CSRNP3: variants seen among roughly 807,000 people sequenced by gnomAD.
CSRNP3 encodes the protein cysteine/serine-rich nuclear protein 3.
CSRNP3 carries 12 observed loss-of-function variants against 48.0 expected under a neutral mutation model. That is an observed-to-expected ratio of 0.25 (90% CI 0.16 to 0.41). The LOEUF is 0.41. Among genes scored for constraint, CSRNP3 ranks in the 10% least tolerant of loss-of-function variants. The probability of loss-of-function intolerance (pLI) is 1.00; values close to 1 mark genes in which losing one functional copy is unlikely to be tolerated. For synonymous variants in CSRNP3, 263 were observed against 269.7 expected (o/e 0.98, Z 0.24); for missense variants, 580 against 724.4 (o/e 0.80, Z 2.29).
chr2:165,487,471 G>A (rs1684136355), intron 1 of CSRNP3, among the ~76,000 whole-genome samples: 1 of 141,824 alleles, frequency 7.1e-6, no homozygotes, highest in Non-Finnish European at 1.5e-5. Context: ...CTCGAGAAGA[G>A]CAACTCCAAG....
At chr2:165,504,323 A>G (rs1034473533) in intron 2 of CSRNP3, among the ~76,000 whole-genome samples, 3 of 152,046 alleles carry the variant, frequency 2.0e-5, no homozygotes, top group Non-Finnish European at 4.4e-5. Context: ...ACAAAACAAC[A>G]TAAGAGGTGA....
chr2:165,640,676 G>A (rs537887189), intron 4 of CSRNP3, among the ~76,000 whole-genome samples: 50 of 152,282 alleles, frequency 3.3e-4, no homozygotes, highest in Non-Finnish European at 5.3e-4. Flanking sequence ...GATCCTGGGA[G>A]CAGCTGTTCA....
chr2:165,576,393 A>G (rs1000775475), intron 3 of CSRNP3, among the ~76,000 whole-genome samples: 5 of 152,048 alleles, frequency 3.3e-5, no homozygotes, highest in Admixed American at 6.6e-5. Context: ...CAAGTTTAAC[A>G]TTCATTTAGG....
At chr2:165,619,606 C>A (rs1686307220) in intron 4 of CSRNP3, among the ~76,000 whole-genome samples, 1 of 152,062 alleles carries the variant, frequency 6.6e-6, no homozygotes, top group Non-Finnish European at 1.5e-5. Context: ...CACACACACA[C>A]AAAATGGAAG....
chr2:165,607,496 C>T (rs1686051395), intron 4 of CSRNP3, among the ~76,000 whole-genome samples: 1 of 152,074 alleles, frequency 6.6e-6, no homozygotes, highest in African/African-American at 2.4e-5. Context: ...AGCTCCAGTC[C>T]CCACAGTGAC....
At chr2:165,498,000 T>C (rs1194514689) in intron 2 of CSRNP3, among the ~76,000 whole-genome samples, 2 of 152,136 alleles carry the variant, frequency 1.3e-5, no homozygotes, top group Non-Finnish European at 2.9e-5. Context: ...GTGCTAGTGA[T>C]GAGTTTATGA....
At chr2:165,575,880 T>A (rs1368784668) in intron 3 of CSRNP3, among the ~76,000 whole-genome samples, 1 of 151,972 alleles carries the variant, frequency 6.6e-6, no homozygotes, top group African/African-American at 2.4e-5. Context: ...GTATGAGCTT[T>A]TAAAAAATTC....
intron 4 of CSRNP3, among the ~76,000 whole-genome samples, chr2:165,643,611 T>A (rs193162029): frequency 6.6e-6 from 1 of 152,328 alleles, no homozygotes; most frequent in Non-Finnish European, 1.5e-5. Flanking sequence ...ATTAATAGGA[T>A]AACTTTGAAT....
At chr2:165,515,313 C>T (rs1396915426) in intron 2 of CSRNP3, among the ~76,000 whole-genome samples, 1 of 139,732 alleles carries the variant, frequency 7.2e-6, no homozygotes, top group Non-Finnish European at 1.5e-5. Flanking sequence ...CAGGGCAAGA[C>T]TCCATCTCAA....
chr2:165,634,068 G>T (rs924527985), intron 4 of CSRNP3, among the ~76,000 whole-genome samples: 16 of 152,112 alleles, frequency 1.1e-4, no homozygotes, highest in Admixed American at 2.6e-4. Context: ...GTCCAGCCCC[G>T]TGGCTCACAC....
rs372219976 is a variant in CSRNP3 at position 165,581,394 on chromosome 2, T to C, written c.-23-13649T>C. ...AGCAGGACATAAGTCAATTTAGCCA[T>C]TGGGGTGAAGGAAGTGGGTATGAAC... On this transcript the variant is annotated intron_variant, in intron 3 of 6. Coordinates refer to ENST00000651982, the MANE Select transcript of CSRNP3 (RefSeq NM_001172173.2). Among the ~76,000 whole-genome samples, 45 of 152,282 alleles carry C rather than the reference T, an allele frequency of 3.0e-4. No homozygotes were observed. The East Asian group carries it at 6.4e-3, about 22-fold the overall frequency.
At chr2:165,649,928 A>G (rs1318849749) in intron 4 of CSRNP3, among the ~76,000 whole-genome samples, 3 of 152,134 alleles carry the variant, frequency 2.0e-5, no homozygotes, top group African/African-American at 7.2e-5. Context: ...CATCATGCCC[A>G]TTGTTTAAGG....
chr2:165,481,721 A>G (rs527822400), intron 1 of CSRNP3, among the ~76,000 whole-genome samples: 4 of 152,302 alleles, frequency 2.6e-5, no homozygotes, highest in East Asian at 3.9e-4. Context: ...AATACAAAAT[A>G]TGTACCAGTG....
chr2:165,534,922 G>A (rs958929320), intron 3 of CSRNP3, among the ~76,000 whole-genome samples: 1 of 151,634 alleles, frequency 6.6e-6, no homozygotes, highest in Non-Finnish European at 1.5e-5. Flanking sequence ...ATTAAAGCAA[G>A]TATATATAAC....
At chr2:165,586,454 G>C (rs1685635963) in intron 3 of CSRNP3, among the ~76,000 whole-genome samples, 1 of 152,162 alleles carries the variant, frequency 6.6e-6, no homozygotes, top group African/African-American at 2.4e-5. Context: ...TCTCAGTTAA[G>C]GTTGAATTTC....
At chr2:165,581,949 T>G (rs1198717625) in intron 3 of CSRNP3, among the ~76,000 whole-genome samples, 2 of 152,234 alleles carry the variant, frequency 1.3e-5, no homozygotes, top group Admixed American at 6.5e-5. Context: ...TTATGTCTAT[T>G]CATTTACTGA....
At chr2:165,645,656 G>A (rs1266621819) in intron 4 of CSRNP3, among the ~76,000 whole-genome samples, 2 of 152,020 alleles carry the variant, frequency 1.3e-5, no homozygotes, top group Non-Finnish European at 2.9e-5. Flanking sequence ...GCAAACAGAG[G>A]GTACACAAAT....
At chr2:165,659,999 C>T (rs935268727) in intron 5 of CSRNP3, among the ~76,000 whole-genome samples, 1 of 152,124 alleles carries the variant, frequency 6.6e-6, no homozygotes. Context: ...CTGAAAGTCT[C>T]GGGTCTCATT....
At chr2:165,630,270 T>G (rs1445907911) in intron 4 of CSRNP3, among the ~76,000 whole-genome samples, 3 of 152,216 alleles carry the variant, frequency 2.0e-5, no homozygotes. Context: ...TGAATTAGTC[T>G]TTTCGTTTTC....
Sources: gnomAD v4.1 joint callset for allele counts (sites outside exome capture counted in the v4.1 genomes callset) on GRCh38, gnomAD v4.1.1 for gene constraint, MANE v1.5 for transcripts, NCBI Gene and HGNC (gene_info 2026-07-23, HGNC 2026-07-21) for gene names.